The following FHOD3 variants were observed in gnomAD, a reference collection of about 807,000 sequenced individuals.
FHOD3 encodes the protein formin homology 2 domain containing 3, also known as FH1/FH2 domain-containing protein 3.
A neutral mutation model predicts 173.0 loss-of-function variants in FHOD3; 90 were observed. That is an observed-to-expected ratio of 0.52 (90% confidence interval 0.44 to 0.62). The LOEUF is 0.62. Among genes scored for constraint, FHOD3 ranks in the 20% least tolerant of loss-of-function variants. The probability of loss-of-function intolerance (pLI) is 0.00; values close to 1 mark genes in which losing one functional copy is unlikely to be tolerated. For synonymous variants in FHOD3, 828 were observed against 823.0 expected, an observed-to-expected ratio of 1.01 and a Z score of -0.10; for missense variants, 1,945 against 2,034.7, an observed-to-expected ratio of 0.96 and a Z score of 0.85.
intron 28 of FHOD3, among the ~76,000 whole-genome samples, chr18:36,772,449 T>C (rs2043427683): frequency 6.6e-6 from 1 of 152,242 alleles, no homozygotes; most frequent in South Asian, 2.1e-4. Flanking sequence ...AAGTGGATAA[T>C]GAATAACCAA....
intron 5 of FHOD3, among the ~76,000 whole-genome samples, chr18:36,529,269 G>C (rs1162356581): frequency 1.3e-5 from 2 of 152,162 alleles, no homozygotes. Flanking sequence ...AGACTGATAG[G>C]GTTTGATGGT....
rs939670104 is a variant in FHOD3, at chr18:36,672,571, G to A, written c.1836-8865G>A. ...CAAGGGCAACATGGGAGCAAGCCCC[G>A]GCGTGCAGATACTTTTCAAGCCTCT... On this transcript the variant is annotated intron_variant, in intron 14 of 28. Transcript: ENST00000590592. 5.9e-5 allele frequency among the ~76,000 whole-genome samples: 9 copies of A among 152,194 alleles called. No individual in the cohort carries two copies. The South Asian group carries it at 8.3e-4, about 14-fold the overall frequency.
intron 3 of FHOD3, among the ~76,000 whole-genome samples, chr18:36,481,920 A>G (rs554057095): frequency 2.0e-4 from 30 of 152,296 alleles, no homozygotes; most frequent in Admixed American, 1.8e-3. Context: ...ATGTTTCCTC[A>G]ACTCCGAACA....
chr18:36,457,356 C>G (rs570767514), intron 3 of FHOD3, among the ~76,000 whole-genome samples: 1 of 152,150 alleles, frequency 6.6e-6, no homozygotes, highest in East Asian at 1.9e-4. Context: ...GGCCACCAGG[C>G]ACCCTGGTGA....
At chr18:36,449,756 C>T (rs1246800066) in intron 3 of FHOD3, among the ~76,000 whole-genome samples, 3 of 151,868 alleles carry the variant, frequency 2.0e-5, no homozygotes, top group Non-Finnish European at 4.4e-5. Context: ...AAATTTTTCT[C>T]GATGTATTAG....
intron 6 of FHOD3, among the ~76,000 whole-genome samples, chr18:36,593,102 G>T (rs1051075956): frequency 6.6e-6 from 1 of 152,206 alleles, no homozygotes; most frequent in Non-Finnish European, 1.5e-5. Flanking sequence ...GACTTTGGTT[G>T]CCCAGAGGCA....
At chr18:36,448,470 G>C (rs2051629279) in intron 3 of FHOD3, among the ~76,000 whole-genome samples, 2 of 152,150 alleles carry the variant, frequency 1.3e-5, no homozygotes, top group South Asian at 2.1e-4. Context: ...TCTTCTCTCT[G>C]TGGACCTGCC....
chr18:36,487,111 T>C (rs1386807361), intron 3 of FHOD3, among the ~76,000 whole-genome samples: 1 of 152,204 alleles, frequency 6.6e-6, no homozygotes. Flanking sequence ...TCTATGAACC[T>C]TGGTGAAATG....
intron 2 of FHOD3, among the ~76,000 whole-genome samples, chr18:36,368,850 C>A (rs1406803333): frequency 6.6e-6 from 1 of 152,068 alleles, no homozygotes; most frequent in African/African-American, 2.4e-5. Context: ...TGAGAACTCA[C>A]TATCACAAGA....
chr18:36,673,414 A>G (rs1160873396), intron 14 of FHOD3, among the ~76,000 whole-genome samples: 1 of 152,176 alleles, frequency 6.6e-6, no homozygotes, highest in Non-Finnish European at 1.5e-5. Flanking sequence ...TTTATTATTC[A>G]AGTTTGTATA....
At position 36,312,087 on chromosome 18, in the gene FHOD3, A is replaced by G. The variant is rs1393695116; in HGVS notation, c.165+14087A>G. On this transcript the variant is annotated intron_variant, in intron 1 of 28. Transcript: ENST00000590592. ...CCTCCCAGTTCCTGTCACTACTGCA[A>G]TAAAACTACTCTTGCTAAGGTACTT... 2.0e-5 allele frequency among the ~76,000 whole-genome samples: 3 copies of G among 152,170 alleles called. No individual in the cohort carries two copies. The South Asian group carries it at 6.2e-4, about 32-fold the overall frequency.
chr18:36,557,614 A>G lies in FHOD3; in HGVS notation c.512-18837A>G, dbSNP rs558833559. The stretch of plus-strand genomic sequence containing the variant: ...GTTTTAATTGATTTTTCTCCAAACT[A>G]GTTTCATAATTTCCTACTTCTTTGC... On this transcript the variant is annotated intron_variant, in intron 5 of 28. Transcript: ENST00000590592. 1.5e-3 allele frequency among the ~76,000 whole-genome samples: 234 copies of G among 152,320 alleles called. 1 individual carries two copies. The highest frequency in any genetic ancestry group is 5.4e-3 in the African/African-American group (223 of 41,580).
chr18:36,361,853 AG>A (rs1480878752), intron 2 of FHOD3, among the ~76,000 whole-genome samples: 1 of 152,114 alleles, frequency 6.6e-6, no homozygotes, highest in Non-Finnish European at 1.5e-5. Flanking sequence ...ATCAGAACTC[AG>A]GGGTGGGCCC....
chr18:36,681,466 C>T lies in FHOD3; in HGVS notation c.1866C>T (p.Ser622=), dbSNP rs533511296. Residue 622 remains serine, a synonymous_variant, in exon 15 of 29, where the codon TCC becomes TCT. Coordinates refer to ENST00000590592, the MANE Select transcript of FHOD3 (RefSeq NM_001281740.3). The part of the protein sequence containing the change: ...RSSPSGLLTS[S]FRQHQESLAA... ...CACCGAGTGGTCTTCTCACATCATC[C>T]TTCAGGCAGCACCAAGAGTCACTGG... is the stretch of plus-strand genomic sequence containing the variant. 1 of 1,613,854 alleles carries T rather than the reference C, an allele frequency of 6.2e-7. No individual in the cohort carries two copies.
chr18:36,566,129 A>T (rs1038949249), intron 5 of FHOD3, among the ~76,000 whole-genome samples: 1 of 152,196 alleles, frequency 6.6e-6, no homozygotes, highest in Non-Finnish European at 1.5e-5. Flanking sequence ...AATATTTAAG[A>T]GCTGTTTGTG....
intron 6 of FHOD3, among the ~76,000 whole-genome samples, chr18:36,592,818 AT>A: frequency 6.6e-6 from 1 of 152,148 alleles, no homozygotes; most frequent in South Asian, 2.1e-4. Flanking sequence ...ATGAATGAAA[AT>A]TGAGAGTTCT....
chr18:36,551,615 G>T (rs918931420), intron 5 of FHOD3, among the ~76,000 whole-genome samples: 3 of 152,098 alleles, frequency 2.0e-5, no homozygotes, highest in Non-Finnish European at 2.9e-5. Context: ...TTTCTTCTAG[G>T]GTTTTTATGG....
intron 5 of FHOD3, among the ~76,000 whole-genome samples, chr18:36,566,939 T>C (rs2058286919): frequency 6.6e-6 from 1 of 152,328 alleles, no homozygotes; most frequent in East Asian, 1.9e-4. Flanking sequence ...GTGTACTGCG[T>C]TTTCTGTTCT....
intron 3 of FHOD3, among the ~76,000 whole-genome samples, chr18:36,453,887 C>T (rs2052012624): frequency 1.3e-5 from 2 of 152,178 alleles, no homozygotes; most frequent in Non-Finnish European, 2.9e-5. Context: ...AGTTTTGTGA[C>T]ATGACTCTGG....
Sources: gnomAD v4.1 joint callset for allele counts (sites outside exome capture counted in the v4.1 genomes callset) on GRCh38, gnomAD v4.1.1 for gene constraint, MANE v1.5 for transcripts, NCBI Gene and HGNC (gene_info 2026-07-23, HGNC 2026-07-21) for gene names.